The following VPS13B variants were observed in gnomAD, a reference collection of about 807,000 sequenced individuals.
The protein encoded by VPS13B is intermembrane lipid transfer protein VPS13B.
Under a neutral mutation model 426.4 loss-of-function variants are expected in VPS13B, and 285 were observed. The observed-to-expected ratio is 0.67, with a 90% CI of 0.61 to 0.74. The LOEUF is 0.74. VPS13B is among the 30% of genes least tolerant of loss of function. The pLI, the probability that VPS13B is intolerant of heterozygous loss-of-function variation, is 0.00. For missense variants in VPS13B, 4,537 were observed against 4,782.6 expected, an observed-to-expected ratio of 0.95 and a Z score of 1.51; for synonymous variants, 1,676 against 1,676.4, an observed-to-expected ratio of 1.00 and a Z score of 0.01.
intron 33 of VPS13B, among the ~76,000 whole-genome samples, chr8:99,587,616 G>A (rs1340373564): frequency 2.0e-5 from 3 of 151,784 alleles, no homozygotes; most frequent in African/African-American, 7.3e-5. Flanking sequence ...CTGCATAAAT[G>A]TCTTCTTTTA....
chr8:99,272,496 A>G (rs554460459), intron 17 of VPS13B, among the ~76,000 whole-genome samples: 15 of 152,300 alleles, frequency 9.8e-5, no homozygotes, highest in Non-Finnish European at 2.1e-4. Flanking sequence ...AGTAAATGTT[A>G]ATTGATTAGA....
At chr8:99,654,585 CAAG>C (rs1829952212) in intron 34 of VPS13B, among the ~76,000 whole-genome samples, 1 of 152,104 alleles carries the variant, frequency 6.6e-6, no homozygotes. Context: ...GTCCAGTGGT[CAAG>C]AAGTGACTGT....
chr8:99,242,885 G>A (rs995225992), intron 17 of VPS13B, among the ~76,000 whole-genome samples: 1 of 152,066 alleles, frequency 6.6e-6, no homozygotes, highest in South Asian at 2.1e-4. Flanking sequence ...TTCAATGGTA[G>A]GCATGATGCC....
Position 99,642,065 on chromosome 8 carries a change from C to T in VPS13B, c.5475C>T (p.Thr1825=). The T allele has an allele frequency of 6.2e-7, 1 of 1,614,058 alleles. No individual in the cohort carries two copies. Among genetic ancestry groups the T allele is most frequent in the African/African-American group, 1.3e-5 (1 of 75,040 alleles). The change falls in exon 34 of 62, where the codon ACC becomes ACT. Residue 1825 remains threonine (T), a synonymous_variant. Transcript: ENST00000357162. ...FITASRISLM[T]YSCMALSKSK... is the part of the protein sequence containing the mutation. ...CTGCAAGTAGAATCTCACTAATGAC[C>T]TATTCCTGTATGGCCTTATCCAAAT...
intron 33 of VPS13B, among the ~76,000 whole-genome samples, chr8:99,600,908 C>G (rs529507041): frequency 6.6e-6 from 1 of 152,196 alleles, no homozygotes; most frequent in African/African-American, 2.4e-5. Flanking sequence ...CTCACTGTTT[C>G]CTTTATACCC....
Position 99,823,876 on chromosome 8 carries a change from A to G in VPS13B, c.9228A>G (p.Gln3076=), listed in dbSNP as rs1392156658. The change falls in exon 51 of 62, where the codon CAA becomes CAG. Residue 3076 remains glutamine, a synonymous_variant. Coordinates refer to ENST00000357162, the MANE Select transcript of VPS13B (RefSeq NM_152564.5). ...CISSMVQQGI[Q]IIQIEDKTTI... ...CCTCCATGGTACAGCAAGGTATACA[A>G]ATTATTCAGATTGAAGACAAGACTA... 4 of 1,613,662 alleles carry G rather than the reference A, an allele frequency of 2.5e-6. No individual in the cohort carries two copies. Among genetic ancestry groups the G allele is most frequent in the Non-Finnish European group, 3.4e-6 (4 of 1,179,800 alleles).
chr8:99,141,930 G>A (rs528968795), intron 12 of VPS13B, among the ~76,000 whole-genome samples: 1 of 151,286 alleles, frequency 6.6e-6, no homozygotes, highest in South Asian at 2.1e-4. Context: ...GTGGGCGCCT[G>A]TAGTACCAGC....
At chr8:99,510,523 G>A (rs1321282970) in intron 28 of VPS13B, among the ~76,000 whole-genome samples, 1 of 152,058 alleles carries the variant, frequency 6.6e-6, no homozygotes, top group African/African-American at 2.4e-5. Context: ...TTTTGTTTGA[G>A]ACAGAGCCTC....
At chr8:99,652,551 G>GT (rs890825449) in intron 34 of VPS13B, among the ~76,000 whole-genome samples, 89 of 147,362 alleles carry the variant, frequency 6.0e-4, no homozygotes, top group East Asian at 1.2e-3. Flanking sequence ...GTAATTGAGG[G>GT]TTTTTTTTTT....
intron 19 of VPS13B, among the ~76,000 whole-genome samples, chr8:99,291,724 A>G (rs1192394111): frequency 6.6e-6 from 1 of 152,158 alleles, no homozygotes; most frequent in African/African-American, 2.4e-5. Context: ...AAGATCTCTC[A>G]AGGAAGGATT....
intron 17 of VPS13B, among the ~76,000 whole-genome samples, chr8:99,252,965 C>T (rs1817575739): frequency 6.6e-6 from 1 of 152,000 alleles, no homozygotes; most frequent in Non-Finnish European, 1.5e-5. Flanking sequence ...CAGAAGAAAC[C>T]CCATACCAAT....
At chr8:99,606,455 A>G (rs1827577452) in intron 33 of VPS13B, among the ~76,000 whole-genome samples, 1 of 148,602 alleles carries the variant, frequency 6.7e-6, no homozygotes, top group Non-Finnish European at 1.5e-5. Flanking sequence ...ACTTAAGCTC[A>G]GGAATTCAAG....
intron 34 of VPS13B, among the ~76,000 whole-genome samples, chr8:99,653,040 C>T (rs1363526521): frequency 6.6e-6 from 1 of 152,098 alleles, no homozygotes; most frequent in African/African-American, 2.4e-5. Context: ...GACTTTTAGC[C>T]TTGGTTCTAA....
At chr8:99,104,937 A>G (rs527508364) in intron 5 of VPS13B, among the ~76,000 whole-genome samples, 148 of 152,172 alleles carry the variant, frequency 9.7e-4, no homozygotes, top group African/African-American at 3.3e-3. Flanking sequence ...GAATTTCTTG[A>G]TTATCCTGAA....
chr8:99,328,993 A>G (rs1460544843), intron 19 of VPS13B, among the ~76,000 whole-genome samples: 1 of 152,142 alleles, frequency 6.6e-6, no homozygotes, highest in South Asian at 2.1e-4. Flanking sequence ...TAAGTTGCTC[A>G]TCTACTAAGA....
At chr8:99,102,540 G>GCTTAATAT (rs1389526644) in intron 4 of VPS13B, among the ~76,000 whole-genome samples, 2 of 152,122 alleles carry the variant, frequency 1.3e-5, no homozygotes, top group African/African-American at 2.4e-5. Context: ...GCTTAAAGAA[G>GCTTAATAT]ACCATCTTCT....
At chr8:99,853,391 AAGAAG>A (rs2130916043) in intron 55 of VPS13B, 55 bp from the exon 56 acceptor site, 1 of 1,574,846 alleles carries the variant, frequency 6.3e-7, no homozygotes, top group East Asian at 2.2e-5. Context: ...ATAAAAAAGA[AAGAAG>A]AGAGAAAGAA....
chr8:99,811,035 C>T (rs1203590620), intron 44 of VPS13B, among the ~76,000 whole-genome samples: 1 of 152,160 alleles, frequency 6.6e-6, no homozygotes, highest in African/African-American at 2.4e-5. Context: ...AATATCTGCC[C>T]AGTAAGTGTA....
At chr8:99,619,057 G>A (rs780626758) in intron 33 of VPS13B, among the ~76,000 whole-genome samples, 7 of 152,102 alleles carry the variant, frequency 4.6e-5, no homozygotes, top group Admixed American at 2.0e-4. Context: ...TGCACTTCAC[G>A]GTGGCCAAGT....
Sources: allele counts gnomAD v4.1 joint callset (sites outside exome capture counted in the v4.1 genomes callset), GRCh38; gene constraint gnomAD v4.1.1; transcripts MANE v1.5; gene names NCBI Gene and HGNC (gene_info 2026-07-23, HGNC 2026-07-21).